Variants in ETS1 observed in about 807,000 individuals in gnomAD.
ETS1 encodes the protein ETS proto-oncogene 1, transcription factor.
In ETS1, 15 loss-of-function variants were observed where a neutral mutation model predicts 58.6. The observed-to-expected ratio is 0.26, with a 90% confidence interval of 0.17 to 0.39. The LOEUF (loss-of-function observed/expected upper bound fraction) is 0.39. ETS1 is among the 10% of genes least tolerant of loss of function. The pLI is 1.00. For missense variants in ETS1, 417 were observed against 610.5 expected, an observed-to-expected ratio of 0.68 and a Z score of 3.34; for synonymous variants, 214 against 218.2, an observed-to-expected ratio of 0.98 and a Z score of 0.17.
intron 3 of ETS1, chr11:128,526,576 G>A (rs1005191303): frequency 4.3e-6 from 1 of 232,170 alleles, no homozygotes; most frequent in Non-Finnish European, 8.6e-6. Context: ...TTTCCTGAAC[G>A]ATCTCCAGCG....
chr11:128,467,020 A>G (rs1862056587), intron 8 of ETS1, among the ~76,000 whole-genome samples: 1 of 152,188 alleles, frequency 6.6e-6, no homozygotes, highest in African/African-American at 2.4e-5. Context: ...TTTTGTACCA[A>G]GTGAGAGGAG....
At chr11:128,469,757 G>C (rs916212883) in intron 8 of ETS1, among the ~76,000 whole-genome samples, 1 of 152,154 alleles carries the variant, frequency 6.6e-6, no homozygotes, top group Non-Finnish European at 1.5e-5. Context: ...ATTATTTTAA[G>C]AAGATTAAGG....
chr11:128,554,566 T>A (rs1435380115), intron 3 of ETS1, among the ~76,000 whole-genome samples: 1 of 152,070 alleles, frequency 6.6e-6, no homozygotes, highest in African/African-American at 2.4e-5. Flanking sequence ...AAAAATCATC[T>A]CCACTTGGGA....
intron 3 of ETS1, among the ~76,000 whole-genome samples, chr11:128,540,171 G>T (rs761395409): frequency 1.3e-5 from 2 of 152,070 alleles, no homozygotes; most frequent in African/African-American, 2.4e-5. Context: ...ACATTAGCCA[G>T]GTGTGGTGGC....
chr11:128,491,135 C>T (rs1337604003), intron 3 of ETS1, among the ~76,000 whole-genome samples: 1 of 152,092 alleles, frequency 6.6e-6, no homozygotes, highest in African/African-American at 2.4e-5. Flanking sequence ...ATACACAGTC[C>T]CTGCTTATCT....
chr11:128,571,207 T>A (rs1287696334), intron 2 of ETS1, among the ~76,000 whole-genome samples: 1 of 151,294 alleles, frequency 6.6e-6, no homozygotes, highest in Non-Finnish European at 1.5e-5. Context: ...GGCGGGCGGA[T>A]CACGAGGTCA....
intron 3 of ETS1, among the ~76,000 whole-genome samples, chr11:128,537,906 T>C (rs1260711499): frequency 6.6e-6 from 1 of 152,122 alleles, no homozygotes; most frequent in Non-Finnish European, 1.5e-5. Context: ...AGTAATGAGA[T>C]GGGGAAGAGG....
chr11:128,489,992 C>T (rs1230185557), intron 4 of ETS1, among the ~76,000 whole-genome samples: 2 of 152,206 alleles, frequency 1.3e-5, no homozygotes, highest in African/African-American at 2.4e-5. Flanking sequence ...TCAAATGGCA[C>T]TTGGTAATAA....
chr11:128,550,747 A>G (rs1654929579), intron 3 of ETS1, among the ~76,000 whole-genome samples: 1 of 152,192 alleles, frequency 6.6e-6, no homozygotes, highest in Non-Finnish European at 1.5e-5. Flanking sequence ...GAATCCAAAA[A>G]GGTCCATGTT....
chr11:128,568,159 T>C (rs964039489), intron 2 of ETS1, among the ~76,000 whole-genome samples: 1 of 152,162 alleles, frequency 6.6e-6, no homozygotes, highest in Non-Finnish European at 1.5e-5. Flanking sequence ...GGGCAGTTCC[T>C]TTCCTCTGTA....
chr11:128,467,678 C>T (rs1862074951), intron 8 of ETS1, among the ~76,000 whole-genome samples: 1 of 152,112 alleles, frequency 6.6e-6, no homozygotes, highest in Admixed American at 6.5e-5. Flanking sequence ...CTCACATGTT[C>T]AATGTGACTC....
In ETS1 at chr11:128,541,414, G is replaced by A. The variant is rs554887054; in HGVS notation, c.214+14877C>T. Among the ~76,000 whole-genome samples, 3 of 152,184 alleles carry A rather than the reference G, an allele frequency of 2.0e-5. No individual in the cohort carries two copies. In the South Asian group the frequency reaches 6.2e-4, roughly 32 times the overall value. On this transcript the variant is annotated intron_variant, in intron 3 of 9. Transcript: ENST00000392668. ...ACCATCCCTCCACTAGCTAGGACAAGTTTGGACAACCAGGATACAAATATT... is the reference window on the plus strand; with the variant it reads ...ACCATCCCTCCACTAGCTAGGACAAATTTGGACAACCAGGATACAAATATT...
rs998426514 is a variant in ETS1, at chr11:128,511,317, G to GA, written c.215-20742dup. On this transcript the variant is annotated intron_variant, in intron 3 of 9. Transcript: ENST00000392668. ...ATTTTCAAATCTCTTTAGATTAAAA[G>GA]AAAAAAAAATGTATTTCTCAAAGTC... Among the ~76,000 whole-genome samples, 75 of 150,958 alleles carry GA rather than the reference G, an allele frequency of 5.0e-4. 1 individual carries two copies. The highest frequency in any genetic ancestry group is 4.8e-3 in the South Asian group (23 of 4,766).
At chr11:128,474,360 C>T (rs1392948878) in intron 8 of ETS1, among the ~76,000 whole-genome samples, 1 of 152,090 alleles carries the variant, frequency 6.6e-6, no homozygotes, top group Admixed American at 6.5e-5. Context: ...TAGGCAATCA[C>T]CACTTTCCAC....
chr11:128,559,433 T>C (rs1221344486), intron 2 of ETS1, among the ~76,000 whole-genome samples: 2 of 152,226 alleles, frequency 1.3e-5, no homozygotes, highest in Admixed American at 6.5e-5. Context: ...TTTTATGTGG[T>C]TGGTTTTTTT....
intron 7 of ETS1, among the ~76,000 whole-genome samples, chr11:128,483,264 C>T (rs1258215829): frequency 6.6e-6 from 1 of 151,986 alleles, no homozygotes; most frequent in Non-Finnish European, 1.5e-5. Flanking sequence ...TGGTAGGGAC[C>T]AAAACCAAGA....
intron 5 of ETS1, among the ~76,000 whole-genome samples, chr11:128,487,429 T>A (rs1001609194): frequency 1.3e-5 from 2 of 152,210 alleles, no homozygotes; most frequent in Non-Finnish European, 2.9e-5. Context: ...GATGGGATGT[T>A]AAATTTTAAG....
intron 3 of ETS1, among the ~76,000 whole-genome samples, chr11:128,512,932 T>C (rs1446990670): frequency 6.6e-6 from 1 of 152,246 alleles, no homozygotes; most frequent in Non-Finnish European, 1.5e-5. Flanking sequence ...AATGCTTGAC[T>C]TACATCTCCC....
At chr11:128,514,154 G>T (rs1175739916) in intron 3 of ETS1, among the ~76,000 whole-genome samples, 1 of 151,918 alleles carries the variant, frequency 6.6e-6, no homozygotes, top group Non-Finnish European at 1.5e-5. Context: ...ATATGTACCT[G>T]ATTGATTTTG....
Sources: allele counts gnomAD v4.1 joint callset (sites outside exome capture counted in the v4.1 genomes callset), GRCh38; gene constraint gnomAD v4.1.1; transcripts MANE v1.5; gene names NCBI Gene and HGNC (gene_info 2026-07-23, HGNC 2026-07-21).